PARP11: variants seen among roughly 807,000 people sequenced by gnomAD.
PARP11 encodes poly(ADP-ribose) polymerase family member 11.
A neutral mutation model predicts 42.9 loss-of-function variants in PARP11; 31 were observed. The ratio of observed to expected loss-of-function variants is 0.72; its 90% confidence interval spans 0.54 to 0.98. PARP11 has a LOEUF of 0.98. Among genes scored for constraint, PARP11 ranks in the 50% least tolerant of loss-of-function variants. The pLI is 0.00. For synonymous variants in PARP11, 137 were observed against 127.3 expected (o/e 1.08, Z -0.51); for missense variants, 365 against 413.1 (o/e 0.88, Z 1.01).
Position 3,809,102 on chromosome 12 carries a change from T to G in PARP11, c.*3021A>C, listed in dbSNP as rs1236447761. 6.6e-6 allele frequency: 1 copy of G among 152,186 alleles called. No homozygotes were observed. The highest frequency in any genetic ancestry group is 6.5e-5 in the Admixed American group (1 of 15,282). 9.4% of individuals were successfully genotyped at this position (152,186 alleles called of 1,614,324 possible). A position where few individuals can be genotyped will look rare whatever the true frequency, so the allele number is the denominator to read the frequency against. ...GCTGGAATGTATTCAATATAGAGTT[T>G]TAAAAACCATTTATCATTATTCTAG... On this transcript the variant is annotated 3_prime_UTR_variant, in exon 8 of 8. Transcript: ENST00000228820.
intron 6 of PARP11, among the ~76,000 whole-genome samples, chr12:3,818,379 G>C (rs943391413): frequency 6.6e-6 from 1 of 151,946 alleles, no homozygotes; most frequent in East Asian, 1.9e-4. Flanking sequence ...AACATAACTG[G>C]ACCACCCTTC....
At chr12:3,820,640 T>A (rs545626302) in intron 6 of PARP11, among the ~76,000 whole-genome samples, 1 of 152,342 alleles carries the variant, frequency 6.6e-6, no homozygotes, top group Admixed American at 6.5e-5. Flanking sequence ...TGATGAAGAA[T>A]AATGAATTAA....
intron 1 of PARP11, among the ~76,000 whole-genome samples, chr12:3,866,341 G>A (rs528625931): frequency 3.9e-5 from 6 of 152,122 alleles, no homozygotes; most frequent in Non-Finnish European, 8.8e-5. Context: ...TCCTCAGCTT[G>A]TAACTTTTAG....
At chr12:3,871,719 A>G (rs566378038) in intron 1 of PARP11, 5 of 152,184 alleles carry the variant, frequency 3.3e-5, no homozygotes, top group Non-Finnish European at 7.3e-5. Context: ...TTTCAACCAT[A>G]ACAACAGAAG....
chr12:3,835,401 C>G (rs1267721319), intron 1 of PARP11, among the ~76,000 whole-genome samples: 1 of 152,120 alleles, frequency 6.6e-6, no homozygotes, highest in African/African-American at 2.4e-5. Flanking sequence ...AATAACCAAA[C>G]AAACAACCAC....
At chr12:3,830,124 TCC>T (rs1947606099) in intron 1 of PARP11, 106 bp from the exon 2 acceptor site, 1 of 979,338 alleles carries the variant, frequency 1.0e-6, no homozygotes, top group Non-Finnish European at 1.5e-6. Flanking sequence ...CAAGTGTCTT[TCC>T]TCCCATGACA....
rs1947171487 is a variant in PARP11 at position 3,811,217 on chromosome 12, T to A, written c.*906A>T. The A allele has an allele frequency of 6.6e-6, 1 of 152,192 alleles. No individual in the cohort carries two copies. The highest frequency in any genetic ancestry group is 2.1e-4 in the South Asian group (1 of 4,830). 9.4% of individuals were successfully genotyped at this position (152,192 alleles called of 1,614,324 possible). On this transcript the variant is annotated 3_prime_UTR_variant, in exon 8 of 8. Coordinates refer to ENST00000228820, the MANE Select transcript of PARP11 (RefSeq NM_020367.6). ...AAATTTGAAATATGAATTTTAGAAA[T>A]CATTGTTGAATAGCTGTGTGTGCTG...
At chr12:3,827,949 A>G (rs930912956) in intron 3 of PARP11, among the ~76,000 whole-genome samples, 1 of 152,220 alleles carries the variant, frequency 6.6e-6, no homozygotes, top group Non-Finnish European at 1.5e-5. Flanking sequence ...GTTTGCCTCT[A>G]AGCAATAAAT....
chr12:3,865,421 A>G (rs1948374413), intron 1 of PARP11, among the ~76,000 whole-genome samples: 1 of 152,150 alleles, frequency 6.6e-6, no homozygotes, highest in Non-Finnish European at 1.5e-5. Context: ...CTCATTTTCT[A>G]TCTGCTCATT....
intron 6 of PARP11, among the ~76,000 whole-genome samples, chr12:3,814,778 TCA>T (rs1160648885): frequency 1.7e-5 from 2 of 116,472 alleles, no homozygotes; most frequent in East Asian, 6.8e-4. Context: ...TAAAATTATT[TCA>T]CAGAGAAATG....
At chr12:3,865,050 A>C (rs1948366578) in intron 1 of PARP11, among the ~76,000 whole-genome samples, 1 of 152,150 alleles carries the variant, frequency 6.6e-6, no homozygotes, top group Non-Finnish European at 1.5e-5. Context: ...CTTTGGCACC[A>C]TCCTACAAAT....
At chr12:3,866,025 T>C (rs1948383491) in intron 1 of PARP11, among the ~76,000 whole-genome samples, 1 of 152,072 alleles carries the variant, frequency 6.6e-6, no homozygotes, top group African/African-American at 2.4e-5. Context: ...ACTATGTTTA[T>C]TTCTTCAGTT....
At chr12:3,859,694 C>T (rs781127034) in intron 1 of PARP11, among the ~76,000 whole-genome samples, 6 of 151,944 alleles carry the variant, frequency 3.9e-5, no homozygotes, top group Admixed American at 1.3e-4. Context: ...CAGCTATATG[C>T]TGTCCACAGA....
chr12:3,826,011 G>T (rs938777162), intron 4 of PARP11, 147 bp downstream of exon 4: 4 of 497,642 alleles, frequency 8.0e-6, no homozygotes, highest in Non-Finnish European at 1.4e-5. Context: ...TTACAGGTGT[G>T]AGCCACTGCG....
chr12:3,839,846 G>A (rs878908475), intron 1 of PARP11: 10 of 1,132,688 alleles, frequency 8.8e-6, no homozygotes, highest in South Asian at 8.6e-5. Context: ...ACTGATGTTA[G>A]TAAAATTGTG....
chr12:3,857,027 G>T (rs901019245), intron 1 of PARP11, among the ~76,000 whole-genome samples: 1 of 150,758 alleles, frequency 6.6e-6, no homozygotes, highest in African/African-American at 2.4e-5. Flanking sequence ...CTATTGCAAG[G>T]ACAGAAAACC....
chr12:3,872,911 GCGAGACTCCGT>G (rs1948517656), intron 1 of PARP11: 5 of 419,902 alleles, frequency 1.2e-5, no homozygotes, highest in African/African-American at 2.2e-5. Flanking sequence ...GGACAACAGT[GCGAGACTCCGT>G]CTCAAAAACA....
chr12:3,867,303 G>A (rs557338206), intron 1 of PARP11, among the ~76,000 whole-genome samples: 11 of 152,232 alleles, frequency 7.2e-5, no homozygotes, highest in Non-Finnish European at 1.0e-4. Context: ...CAGAGTATGC[G>A]CTCTCAGATG....
At chr12:3,871,063 C>T (rs1021734926) in intron 1 of PARP11, among the ~76,000 whole-genome samples, 1 of 152,126 alleles carries the variant, frequency 6.6e-6, no homozygotes, top group Non-Finnish European at 1.5e-5. Context: ...CCATAATGTG[C>T]AACTACCAAA....
Sources: allele counts gnomAD v4.1 joint callset (sites outside exome capture counted in the v4.1 genomes callset), GRCh38; gene constraint gnomAD v4.1.1; transcripts MANE v1.5; gene names NCBI Gene and HGNC (gene_info 2026-07-23, HGNC 2026-07-21).